APBA1: variants seen among roughly 807,000 people sequenced by gnomAD.
APBA1 encodes the protein amyloid beta precursor protein binding family A member 1.
A neutral mutation model predicts 86.6 loss-of-function variants in APBA1; 55 were observed. The observed-to-expected ratio is 0.64, with a 90% CI of 0.51 to 0.80. The LOEUF (loss-of-function observed/expected upper bound fraction) is 0.80. APBA1 is among the 30% of genes least tolerant of loss of function. APBA1 has a pLI of 0.00. For synonymous variants in APBA1, 511 were observed against 493.9 expected, an observed-to-expected ratio of 1.03 and a Z score of -0.46; for missense variants, 1,090 against 1,183.0, an observed-to-expected ratio of 0.92 and a Z score of 1.15.
In APBA1 at chr9:69,630,325, A is replaced by C. The variant is rs564356506; in HGVS notation, c.-70+41828T>G. Among the ~76,000 whole-genome samples the C allele has an allele frequency of 2.0e-3, 304 of 152,296 alleles. 1 individual carries two copies. Among genetic ancestry groups the C allele is most frequent in the Non-Finnish European group, 2.0e-3 (137 of 68,018 alleles). ...GGACCAGATCGCACAGAATTGAGTC[A>C]ACAGGCCAACTTTGATCCCTAATTG... On this transcript the variant is annotated intron_variant, in intron 1 of 12. Transcript: ENST00000265381.
rs142431978 is a variant in APBA1, at chr9:69,485,741, T to C, written c.1201-9598A>G. On this transcript the variant is annotated intron_variant, in intron 2 of 12. Coordinates refer to ENST00000265381, the MANE Select transcript of APBA1 (RefSeq NM_001163.4). ...AAGGTCTCCTTAAGCTAACAACTCATCTTCTGCAGAAAATGTTCTAGCAGA... is the reference window on the plus strand; with the variant it reads ...AAGGTCTCCTTAAGCTAACAACTCACCTTCTGCAGAAAATGTTCTAGCAGA... Among the ~76,000 whole-genome samples the C allele has an allele frequency of 4.5e-3, 679 of 152,212 alleles. 5 individuals carry two copies. Among genetic ancestry groups the C allele is most frequent in the South Asian group, 0.018 (89 of 4,820 alleles).
intron 1 of APBA1, among the ~76,000 whole-genome samples, chr9:69,549,869 G>T (rs1836757517): frequency 6.6e-6 from 1 of 152,122 alleles, no homozygotes; most frequent in Non-Finnish European, 1.5e-5. Flanking sequence ...TCCCAGGATT[G>T]CTGAAAAATT....
Position 69,516,432 on chromosome 9 carries a change from C to A in APBA1, c.779G>T (p.Arg260Leu). 5 of 1,604,786 alleles carry A rather than the reference C, an allele frequency of 3.1e-6. No individual in the cohort carries two copies. Among genetic ancestry groups the A allele is most frequent in the Non-Finnish European group, 4.2e-6 (5 of 1,178,714 alleles). Residue 260 changes from arginine (R) to leucine (L), a missense_variant, in exon 2 of 13, where the codon CGC becomes CTC. Physicochemically the swap from Arg to Leu is moderately radical, Grantham distance 102. Coordinates refer to ENST00000265381, the MANE Select transcript of APBA1 (RefSeq NM_001163.4). This position sits in a 1 kb window ranked among gnomAD's most constrained non-coding sequence, Gnocchi z 7.3. Reference protein sequence around the residue: ...EKEAEFAPYPRMDSYEQEEDI... With the variant: ...EKEAEFAPYPLMDSYEQEEDI... ...CTCCTCCTGCTCGTAGCTGTCCATG[C>A]GCGGGTAGGGCGCGAACTCGGCCTC... is the stretch of plus-strand genomic sequence containing the variant.
At chr9:69,620,394 G>A (rs1822792329) in intron 1 of APBA1, among the ~76,000 whole-genome samples, 1 of 152,144 alleles carries the variant, frequency 6.6e-6, no homozygotes, top group Admixed American at 6.5e-5. Context: ...GAGAGACAGA[G>A]TGCCGGCCAG....
At chr9:69,441,293 C>T (rs940927906) in intron 10 of APBA1, among the ~76,000 whole-genome samples, 178 bp from the exon 11 acceptor site, 3 of 152,208 alleles carry the variant, frequency 2.0e-5, no homozygotes, top group Admixed American at 2.0e-4. Flanking sequence ...CTTCACCTAC[C>T]CAGGGCTAAG....
intron 1 of APBA1, among the ~76,000 whole-genome samples, chr9:69,666,748 G>T (rs1823847635): frequency 6.6e-6 from 1 of 152,098 alleles, no homozygotes; most frequent in Admixed American, 6.6e-5. Flanking sequence ...AAAATGTGGG[G>T]TTTTTAAAAA....
intron 1 of APBA1, among the ~76,000 whole-genome samples, chr9:69,573,880 A>G (rs1837154051): frequency 6.6e-6 from 1 of 152,234 alleles, no homozygotes. Context: ...GAAACTCAGC[A>G]TGATGACTTA....
At chr9:69,588,903 T>A (rs1468997185) in intron 1 of APBA1, among the ~76,000 whole-genome samples, 1 of 152,222 alleles carries the variant, frequency 6.6e-6, no homozygotes, top group Non-Finnish European at 1.5e-5. Context: ...TTATATAGCA[T>A]GAGACCTTGC....
chr9:69,477,482 T>G (rs1835473484), intron 2 of APBA1, among the ~76,000 whole-genome samples: 1 of 110,934 alleles, frequency 9.0e-6, no homozygotes, highest in East Asian at 2.6e-4. Flanking sequence ...GCCCACGGAG[T>G]CTCACTGATT....
chr9:69,491,331 C>T (rs1418934227), intron 2 of APBA1, among the ~76,000 whole-genome samples: 4 of 151,980 alleles, frequency 2.6e-5, no homozygotes, highest in African/African-American at 9.7e-5. Context: ...TGGAAACCAT[C>T]ATTCTCAGCA....
intron 1 of APBA1, among the ~76,000 whole-genome samples, chr9:69,644,329 C>T (rs1001993231): frequency 6.6e-6 from 1 of 152,130 alleles, no homozygotes; most frequent in Non-Finnish European, 1.5e-5. Flanking sequence ...GAATGACCAC[C>T]ACCACAGTCC....
At chr9:69,636,836 G>A (rs4069772) in intron 1 of APBA1, among the ~76,000 whole-genome samples, 8 of 10,382 alleles carry the variant, frequency 7.7e-4, no homozygotes, top group African/African-American at 1.7e-3. Flanking sequence ...AGAGAGGGAG[G>A]GAGGGAGGGA....
chr9:69,530,833 A>C (rs972919410), intron 1 of APBA1, among the ~76,000 whole-genome samples: 2 of 152,160 alleles, frequency 1.3e-5, no homozygotes, highest in African/African-American at 4.8e-5. Flanking sequence ...GTATTGGTTA[A>C]ATTTTCCAAA....
Position 69,611,311 on chromosome 9 carries a change from A to C in APBA1, c.-70+60842T>G, listed in dbSNP as rs576258549. Among the ~76,000 whole-genome samples the C allele has an allele frequency of 1.4e-4, 21 of 151,908 alleles. No individual in the cohort carries two copies. The South Asian group carries it at 2.1e-3, about 15-fold the overall frequency. ...AAAAAAAAAAAAAAAAAAACAAAAA[A>C]AAAACCCAAACCGGCTAAAATGCTT... On this transcript the variant is annotated intron_variant, in intron 1 of 12. Coordinates refer to ENST00000265381, the MANE Select transcript of APBA1 (RefSeq NM_001163.4).
At chr9:69,636,898 G>GGAAGGAAGGAAGGAAT (rs1823181345) in intron 1 of APBA1, among the ~76,000 whole-genome samples, 1 of 63,042 alleles carries the variant, frequency 1.6e-5, no homozygotes, top group African/African-American at 6.0e-5. Context: ...AAAGAAGGAA[G>GGAAGGAAGGAAGGAAT]GAAGGAAGGA....
chr9:69,564,090 G>T (rs1317122268), intron 1 of APBA1, among the ~76,000 whole-genome samples: 1 of 152,068 alleles, frequency 6.6e-6, no homozygotes, highest in African/African-American at 2.4e-5. Flanking sequence ...ACCTTCCAAA[G>T]CATTCTCTCC....
chr9:69,626,758 T>C (rs976818838), intron 1 of APBA1, among the ~76,000 whole-genome samples: 2 of 152,136 alleles, frequency 1.3e-5, no homozygotes, highest in African/African-American at 2.4e-5. Context: ...AGAACTATTA[T>C]GATTTTATGT....
intron 1 of APBA1, among the ~76,000 whole-genome samples, chr9:69,563,579 C>G (rs1364466661): frequency 6.6e-6 from 1 of 152,184 alleles, no homozygotes; most frequent in Non-Finnish European, 1.5e-5. Flanking sequence ...TCTTTCTACT[C>G]CACCTGACTT....
intron 1 of APBA1, among the ~76,000 whole-genome samples, chr9:69,556,669 G>C (rs922376155): frequency 6.6e-5 from 10 of 152,196 alleles, no homozygotes; most frequent in Non-Finnish European, 1.5e-4. Flanking sequence ...AAAATTAACT[G>C]TGACAGGTTG....
Sources: allele counts gnomAD v4.1 joint callset (sites outside exome capture counted in the v4.1 genomes callset), GRCh38; gene constraint gnomAD v4.1.1; non-coding constraint Gnocchi (gnomAD v3.1); transcripts MANE v1.5; gene names NCBI Gene and HGNC (gene_info 2026-07-23, HGNC 2026-07-21).